The following ZNF652 variants were observed in gnomAD, a reference collection of about 807,000 sequenced individuals.
ZNF652 encodes zinc finger protein 652.
Under a neutral mutation model 45.2 loss-of-function variants are expected in ZNF652, and 16 were observed. That is an observed-to-expected ratio of 0.35 (90% confidence interval 0.24 to 0.54). The LOEUF (loss-of-function observed/expected upper bound fraction) is 0.54, where lower values mean the gene tolerates loss of function less well. ZNF652 is among the 20% of genes least tolerant of loss of function. The probability of loss-of-function intolerance (pLI) is 0.91; values close to 1 mark genes in which losing one functional copy is unlikely to be tolerated. For synonymous variants in ZNF652, 250 were observed against 260.6 expected, an observed-to-expected ratio of 0.96 and a Z score of 0.39; for missense variants, 614 against 765.6, an observed-to-expected ratio of 0.80 and a Z score of 2.34.
At chr17:49,355,439 T>C (rs2070325466) in intron 1 of ZNF652, among the ~76,000 whole-genome samples, 2 of 151,694 alleles carry the variant, frequency 1.3e-5, no homozygotes, top group South Asian at 4.2e-4. Context: ...AAGCCAGGCA[T>C]GGTGGTGCGC....
Position 49,298,749 on chromosome 17 carries a change from GGTCACCC to G in ZNF652, c.1478_1484del (p.Arg493ProfsTer4), listed in dbSNP as rs2069511059. Reference sequence around the variant, plus strand: ...CAGCAGGTGGCACATTCACGGGGCTGGTCACCCGAAAGCACTTCTCCTTGTGGGCCTT... The same window carrying G: ...CAGCAGGTGGCACATTCACGGGGCTGGAAAGCACTTCTCCTTGTGGGCCTT... On this transcript the variant is annotated frameshift_variant, in exon 6 of 6. Transcript: ENST00000430262. LOFTEE classifies it high-confidence loss of function. 1 of 1,613,972 alleles carries G rather than the reference GGTCACCC, an allele frequency of 6.2e-7. No individual in the cohort carries two copies. The highest frequency in any genetic ancestry group is 1.3e-5 in the African/African-American group (1 of 74,888).
intron 1 of ZNF652, among the ~76,000 whole-genome samples, chr17:49,327,759 ATATATATATATATATATATATTTTT>A (rs1242567071): frequency 0.11 from 1,104 of 9,638 alleles, 37 homozygotes; most frequent in Non-Finnish European, 0.13. Flanking sequence ...ATATATATAT[ATATATATATATATATATATATTTTT>A]TTTTTTTTTT....
intron 1 of ZNF652, among the ~76,000 whole-genome samples, chr17:49,321,420 C>A (rs1023625901): frequency 3.0e-5 from 4 of 133,264 alleles, no homozygotes; most frequent in African/African-American, 1.1e-4. Context: ...CCCACCACCA[C>A]GCTTTTTTTT....
chr17:49,334,025 C>A (rs938800629), intron 1 of ZNF652, among the ~76,000 whole-genome samples: 1 of 151,882 alleles, frequency 6.6e-6, no homozygotes, highest in Non-Finnish European at 1.5e-5. Flanking sequence ...CAGTTCCAGG[C>A]ATAAACTCAG....
At chr17:49,301,059 T>G (rs2069545886) in intron 5 of ZNF652, among the ~76,000 whole-genome samples, 1 of 152,192 alleles carries the variant, frequency 6.6e-6, no homozygotes, top group Admixed American at 6.5e-5. Context: ...TCATCTACTT[T>G]GGGACTCCTT....
In ZNF652 at chr17:49,336,245, G is replaced by C. The variant is rs142660670; in HGVS notation, c.-258-18262C>G. On this transcript the variant is annotated intron_variant, in intron 1 of 5. Coordinates refer to ENST00000430262, the MANE Select transcript of ZNF652 (RefSeq NM_001145365.3). ...TCACCATGTTGGCCAGGCTGGTCTT[G>C]AACCCCTGACCTCATGATCTGTCTG... 7.7e-4 allele frequency among the ~76,000 whole-genome samples: 116 copies of C among 151,272 alleles called. 2 individuals are homozygous for C. Among genetic ancestry groups the C allele is most frequent in the Admixed American group, 6.1e-3 (92 of 15,176 alleles).
intron 5 of ZNF652, among the ~76,000 whole-genome samples, chr17:49,308,032 T>A (rs905467056): frequency 2.0e-5 from 3 of 152,168 alleles, no homozygotes; most frequent in African/African-American, 7.2e-5. Context: ...AAAGTATTGG[T>A]CTATATGTGT....
rs1423009418 is a variant in ZNF652 at position 49,291,318 on chromosome 17, A to G, written c.*7095T>C. 6.6e-6 allele frequency: 1 copy of G among 152,206 alleles called. No individual in the cohort carries two copies. The highest frequency in any genetic ancestry group is 1.9e-4 in the East Asian group (1 of 5,198). The allele number at this position is 152,206 out of a possible 1,614,324, so 9.4% of individuals were successfully genotyped here. The stretch of plus-strand genomic sequence containing the variant: ...TTCAGAGGAGCTGGATATTCCAGAA[A>G]CAACTTGACTCTTTGGCACATCCAG... On this transcript the variant is annotated 3_prime_UTR_variant, in exon 6 of 6. Coordinates refer to ENST00000430262, the MANE Select transcript of ZNF652 (RefSeq NM_001145365.3).
chr17:49,357,319 G>A (rs540505537), intron 1 of ZNF652, among the ~76,000 whole-genome samples: 14 of 151,360 alleles, frequency 9.2e-5, no homozygotes, highest in Admixed American at 3.3e-4. Flanking sequence ...AAAAGATAAT[G>A]TCATCTTTAC....
At chr17:49,319,433 G>A (rs553856205) in intron 1 of ZNF652, among the ~76,000 whole-genome samples, 1 of 151,728 alleles carries the variant, frequency 6.6e-6, no homozygotes, top group East Asian at 1.9e-4. Context: ...AGGAGATCGA[G>A]ACCATCCTGG....
In ZNF652 at chr17:49,312,680, A is replaced by G. The variant is rs2069733171; in HGVS notation, c.1048+18T>C. On this transcript the variant is annotated intron_variant, in intron 3 of 5. Coordinates refer to ENST00000430262, the MANE Select transcript of ZNF652 (RefSeq NM_001145365.3). The stretch of plus-strand genomic sequence containing the variant: ...CAAGGGAAAATTATAGGTATAAGAG[A>G]AAAGCAGAAAAACTTACCAACCATG... 1 of 1,610,462 alleles carries G rather than the reference A, an allele frequency of 6.2e-7. No homozygotes were observed. Among genetic ancestry groups the G allele is most frequent in the East Asian group, 2.2e-5 (1 of 44,866 alleles).
At position 49,294,889 on chromosome 17, in the gene ZNF652, TAAC is replaced by T. The variant is rs1382802764; in HGVS notation, c.*3521_*3523del. The T allele has an allele frequency of 1.3e-5, 2 of 152,174 alleles. No individual in the cohort carries two copies. Among genetic ancestry groups the T allele is most frequent in the Non-Finnish European group, 2.9e-5 (2 of 68,028 alleles). 9.4% of individuals were successfully genotyped at this position (152,174 alleles called of 1,614,324 possible). A position where few individuals can be genotyped will look rare whatever the true frequency, so the allele number is the denominator to read the frequency against. ...CATAATTCTTTTTTTCATAAACAGATAACAAGTAGGTAAAAAGTTTTGAAGAAT... is the reference window on the plus strand; with the variant it reads ...CATAATTCTTTTTTTCATAAACAGATAAGTAGGTAAAAAGTTTTGAAGAAT... On this transcript the variant is annotated 3_prime_UTR_variant, in exon 6 of 6. Transcript: ENST00000430262.
Position 49,317,768 on chromosome 17 carries a change from A to G in ZNF652, c.-43T>C. The G allele has an allele frequency of 6.7e-7, 1 of 1,488,756 alleles. No homozygotes were observed. The highest frequency in any genetic ancestry group is 9.0e-7 in the Non-Finnish European group (1 of 1,116,758). The allele number at this position is 1,488,756 out of a possible 1,614,324, so 92.2% of individuals were successfully genotyped here. On this transcript the variant is annotated 5_prime_UTR_variant, in exon 2 of 6. Coordinates refer to ENST00000430262, the MANE Select transcript of ZNF652 (RefSeq NM_001145365.3). ...TATTAAACAGTTCAGACTATAAAGA[A>G]ATAGCTTTAAAACAAGGTAATTATT...
intron 5 of ZNF652, 60 bp from the exon 6 acceptor site, chr17:49,298,984 CT>C (rs541337059): frequency 0.084 from 80,753 of 957,002 alleles, no homozygotes; most frequent in East Asian, 0.12. Context: ...TGTGCTCAAG[CT>C]TTTTTTTTTT....
At chr17:49,308,498 T>C (rs918405390) in intron 5 of ZNF652, among the ~76,000 whole-genome samples, 2 of 152,018 alleles carry the variant, frequency 1.3e-5, no homozygotes, top group Admixed American at 6.6e-5. Flanking sequence ...ACACTTTTAA[T>C]GAGAAAGATA....
In ZNF652 at chr17:49,334,773, G is replaced by A. The variant is rs1476837023; in HGVS notation, c.-258-16790C>T. ...CAGCTTGGGAGACAGAGCAAGACTCGATCTCCAAAAAAAAAAAAAAGGGAA... is the reference window on the plus strand; with the variant it reads ...CAGCTTGGGAGACAGAGCAAGACTCAATCTCCAAAAAAAAAAAAAAGGGAA... On this transcript the variant is annotated intron_variant, in intron 1 of 5. Transcript: ENST00000430262. 4.5e-5 allele frequency among the ~76,000 whole-genome samples: 6 copies of A among 132,740 alleles called. No homozygotes were observed. The East Asian group carries it at 6.3e-4, about 14-fold the overall frequency. The allele number at this position is 132,740 out of a possible 152,430, so 87.1% of individuals were successfully genotyped here. A position where few individuals can be genotyped will look rare whatever the true frequency, so the allele number is the denominator to read the frequency against.
chr17:49,357,069 T>G (rs1208956155), intron 1 of ZNF652, among the ~76,000 whole-genome samples: 1 of 150,496 alleles, frequency 6.6e-6, no homozygotes, highest in African/African-American at 2.4e-5. Flanking sequence ...GAGGCTGACG[T>G]GGGCAGATCA....
At position 49,298,969 on chromosome 17, in the gene ZNF652, A is replaced by G. The variant is rs373551727; in HGVS notation, c.1310-45T>C. 3.3e-6 allele frequency: 5 copies of G among 1,536,696 alleles called. No individual in the cohort carries two copies. In the African/African-American group the frequency reaches 6.9e-5, roughly 21 times the overall value. ...AAAAATGATTAACATATTAGGTGGTAATTGTGTGCTCAAGCTTTTTTTTTT... is the reference window on the plus strand; with the variant it reads ...AAAAATGATTAACATATTAGGTGGTGATTGTGTGCTCAAGCTTTTTTTTTT... On this transcript the variant is annotated intron_variant, in intron 5 of 5. Coordinates refer to ENST00000430262, the MANE Select transcript of ZNF652 (RefSeq NM_001145365.3).
At position 49,348,446 on chromosome 17, in the gene ZNF652, T is replaced by C. The variant is rs1014957557; in HGVS notation, c.-259+13463A>G. On this transcript the variant is annotated intron_variant, in intron 1 of 5. Transcript: ENST00000430262. ...GGTTACAGTGAGCCAAGACTGAGCC[T>C]CAGGCTGGGTGACAGAGCAAGACCT... 2.6e-4 allele frequency among the ~76,000 whole-genome samples: 36 copies of C among 139,746 alleles called. No individual in the cohort carries two copies. The Admixed American group carries it at 2.7e-3, about 10-fold the overall frequency. 91.7% of individuals were successfully genotyped at this position (139,746 alleles called of 152,430 possible).
Sources: gnomAD v4.1 joint callset for allele counts (sites outside exome capture counted in the v4.1 genomes callset) on GRCh38, gnomAD v4.1.1 for gene constraint, MANE v1.5 for transcripts, NCBI Gene and HGNC (gene_info 2026-07-23, HGNC 2026-07-21) for gene names.